The following MGAT4C variants were observed in gnomAD, a reference collection of about 807,000 sequenced individuals.
MGAT4C encodes the protein MGAT4 family member C.
In MGAT4C, 19 loss-of-function variants were observed where a neutral mutation model predicts 40.1. The observed-to-expected ratio is 0.47, with a 90% CI of 0.33 to 0.70. MGAT4C has a LOEUF of 0.70. MGAT4C is among the 30% of genes least tolerant of loss of function. The pLI is 0.02. For synonymous variants in MGAT4C, 181 were observed against 187.1 expected, an observed-to-expected ratio of 0.97 and a Z score of 0.27; for missense variants, 491 against 563.2, an observed-to-expected ratio of 0.87 and a Z score of 1.30.
At chr12:86,586,134 T>C (rs1961028625) in intron 2 of MGAT4C, among the ~76,000 whole-genome samples, 1 of 125,840 alleles carries the variant, frequency 7.9e-6, no homozygotes, top group South Asian at 2.8e-4. Flanking sequence ...CAGAGTGTGA[T>C]GTTCCCCTTC....
chr12:86,500,320 T>C (rs1958317971), intron 2 of MGAT4C, among the ~76,000 whole-genome samples: 1 of 151,520 alleles, frequency 6.6e-6, no homozygotes, highest in African/African-American at 2.4e-5. Flanking sequence ...ATGTAAATGA[T>C]AAAATCCAAC....
At chr12:86,185,337 A>G (rs963661982) in intron 1 of MGAT4C, among the ~76,000 whole-genome samples, 3 of 152,152 alleles carry the variant, frequency 2.0e-5, no homozygotes, top group Non-Finnish European at 4.4e-5. Flanking sequence ...TATATATGGT[A>G]TACACAAAAT....
At chr12:86,357,895 A>C (rs923027712) in intron 3 of MGAT4C, among the ~76,000 whole-genome samples, 1 of 152,214 alleles carries the variant, frequency 6.6e-6, no homozygotes, top group East Asian at 1.9e-4. Flanking sequence ...ACCAAGTTGG[A>C]AAATATTCTT....
chr12:86,535,949 T>A (rs1007410338), intron 2 of MGAT4C, among the ~76,000 whole-genome samples: 1 of 152,134 alleles, frequency 6.6e-6, no homozygotes, highest in East Asian at 1.9e-4. Flanking sequence ...ATCTTGTCAG[T>A]ATTTTGTTGA....
At chr12:86,611,226 T>G (rs1962248887) in intron 2 of MGAT4C, among the ~76,000 whole-genome samples, 1 of 152,046 alleles carries the variant, frequency 6.6e-6, no homozygotes, top group South Asian at 2.1e-4. Context: ...TGAAACAAAT[T>G]GAAACATTTT....
intron 2 of MGAT4C, among the ~76,000 whole-genome samples, chr12:86,561,660 T>G (rs1294971320): frequency 6.6e-6 from 1 of 152,162 alleles, no homozygotes; most frequent in Non-Finnish European, 1.5e-5. Context: ...CTGGCTTGCT[T>G]GATACTCAGA....
In MGAT4C at chr12:86,579,692, T is replaced by C. The variant is rs111824066; in HGVS notation, c.-228-144427A>G. The stretch of plus-strand genomic sequence containing the variant: ...ATTATTGCTCATTAATGTCCCTTTC[T>C]TTCTAATTGAGTATTCCCTTTAGCA... On this transcript the variant is annotated intron_variant, in intron 2 of 7. Transcript: ENST00000548651. Among the ~76,000 whole-genome samples, 479 of 151,766 alleles carry C rather than the reference T, an allele frequency of 3.2e-3. 1 individual carries two copies. Among genetic ancestry groups the C allele is most frequent in the African/African-American group, 0.011 (463 of 41,498 alleles).
chr12:86,458,620 G>T lies in MGAT4C; in HGVS notation c.-228-23355C>A, dbSNP rs1256948753. Among the ~76,000 whole-genome samples the T allele has an allele frequency of 2.0e-5, 3 of 152,122 alleles. No individual in the cohort carries two copies. In the East Asian group the frequency reaches 5.8e-4, roughly 29 times the overall value. On this transcript the variant is annotated intron_variant, in intron 2 of 7. Coordinates refer to the MGAT4C transcript ENST00000548651. ...TTACTCCTCACAATTCTGAAAGACC[G>T]TATTAAGAGAATGAAGAAGAAACAT...
chr12:86,402,338 T>A (rs1956382292), intron 3 of MGAT4C, among the ~76,000 whole-genome samples: 1 of 152,014 alleles, frequency 6.6e-6, no homozygotes, highest in Admixed American at 6.6e-5. Context: ...GGCAGGATAA[T>A]TACTTGAACC....
intron 2 of MGAT4C, among the ~76,000 whole-genome samples, chr12:86,041,918 C>A (rs983779270): frequency 6.6e-6 from 1 of 152,120 alleles, no homozygotes; most frequent in African/African-American, 2.4e-5. Context: ...GGGCGTTGAA[C>A]CCTCCTCCTG....
intron 1 of MGAT4C, among the ~76,000 whole-genome samples, chr12:86,222,699 T>C (rs1950928120): frequency 6.6e-6 from 1 of 152,242 alleles, no homozygotes; most frequent in African/African-American, 2.4e-5. Context: ...TATTCCTTTT[T>C]AACCTCCTAG....
At chr12:86,591,269 A>C (rs1961318015) in intron 2 of MGAT4C, among the ~76,000 whole-genome samples, 1 of 151,990 alleles carries the variant, frequency 6.6e-6, no homozygotes, top group African/African-American at 2.4e-5. Flanking sequence ...ATCAGCATAC[A>C]TCCAGTCCCT....
chr12:86,303,004 T>G lies in MGAT4C; in HGVS notation c.-57+31061A>C, dbSNP rs996484445. Among the ~76,000 whole-genome samples the G allele has an allele frequency of 1.5e-4, 22 of 150,658 alleles. 3 individuals carry two copies. Among genetic ancestry groups the G allele is most frequent in the African/African-American group, 5.2e-4 (21 of 40,054 alleles). ...CACATTTTGTGAAGACATGAGGTTC[T>G]TCCACCAGCTCAGAATAGAACTTCA... On this transcript the variant is annotated intron_variant, in intron 4 of 7. Coordinates refer to the MGAT4C transcript ENST00000548651.
intron 2 of MGAT4C, among the ~76,000 whole-genome samples, chr12:86,695,419 T>G (rs2136604593): frequency 6.6e-6 from 1 of 152,226 alleles, no homozygotes; most frequent in South Asian, 2.1e-4. Context: ...CACTGCTGAG[T>G]ATATACTCTA....
intron 2 of MGAT4C, among the ~76,000 whole-genome samples, chr12:86,594,078 T>G (rs1429304791): frequency 6.6e-6 from 1 of 152,166 alleles, no homozygotes; most frequent in Non-Finnish European, 1.5e-5. Context: ...TCCGCAGTAC[T>G]GTGTCCAAGG....
At chr12:86,500,946 A>G (rs1222189023) in intron 2 of MGAT4C, among the ~76,000 whole-genome samples, 3 of 152,110 alleles carry the variant, frequency 2.0e-5, no homozygotes, top group African/African-American at 7.2e-5. Context: ...TATCAAATTG[A>G]AAAATGAAAT....
At chr12:86,235,802 T>C (rs1157478260) in intron 1 of MGAT4C, among the ~76,000 whole-genome samples, 2 of 152,060 alleles carry the variant, frequency 1.3e-5, no homozygotes, top group Non-Finnish European at 2.9e-5. Flanking sequence ...AGCGTGATTC[T>C]GGAAGGCCAG....
intron 2 of MGAT4C, among the ~76,000 whole-genome samples, chr12:86,498,699 C>T (rs1352133869): frequency 2.0e-5 from 3 of 151,898 alleles, no homozygotes; most frequent in Non-Finnish European, 4.4e-5. Flanking sequence ...TCAAGTGTAG[C>T]AGGTATCCAC....
chr12:86,491,867 C>T (rs1372908784), intron 2 of MGAT4C, among the ~76,000 whole-genome samples: 1 of 152,084 alleles, frequency 6.6e-6, no homozygotes, highest in East Asian at 1.9e-4. Context: ...TCCCTGTTTG[C>T]AGACGACATG....
Sources: allele counts gnomAD v4.1 joint callset (sites outside exome capture counted in the v4.1 genomes callset), GRCh38; gene constraint gnomAD v4.1.1; transcripts MANE v1.5; gene names NCBI Gene and HGNC (gene_info 2026-07-23, HGNC 2026-07-21).